Variants in BICD2 observed in about 807,000 individuals in gnomAD.
BICD2 encodes protein bicaudal D homolog 2.
BICD2 carries 25 observed loss-of-function variants against 72.9 expected under a neutral mutation model. The observed-to-expected ratio is 0.34, with a 90% confidence interval of 0.25 to 0.48. BICD2 has a LOEUF of 0.48. Ranked by LOEUF, BICD2 falls within the 20% of genes least tolerant of loss-of-function variation. The pLI, the probability that BICD2 is intolerant of heterozygous loss-of-function variation, is 0.99. For missense variants in BICD2, 894 were observed against 1,175.2 expected, an observed-to-expected ratio of 0.76 and a Z score of 3.50; for synonymous variants, 501 against 516.1, an observed-to-expected ratio of 0.97 and a Z score of 0.40.
chr9:92,751,806 ATT>A (rs200906851), intron 1 of BICD2, among the ~76,000 whole-genome samples: 5 of 141,052 alleles, frequency 3.5e-5, no homozygotes, highest in South Asian at 2.2e-4. Flanking sequence ...CACTAACTGC[ATT>A]TTTTTTTTTT....
At position 92,715,187 on chromosome 9, in the gene BICD2, G is replaced by A; in HGVS notation, c.2535C>T (p.Phe845=). The stretch of plus-strand genomic sequence containing the variant: ...AGTAAATGCTGTGCTTCTCGCTGCA[G>A]AACACCTGGTTGGCCAGCCCGGTGC... The part of the protein sequence containing the change: ...AEGTGLANQV[F]CSEKHSIYCD The change falls in exon 7 of 7, where the codon TTC becomes TTT. Residue 845 remains phenylalanine (F), a synonymous_variant. Transcript: ENST00000356884. The A allele has an allele frequency of 6.2e-7, 1 of 1,607,458 alleles. No individual in the cohort carries two copies. Among genetic ancestry groups the A allele is most frequent in the South Asian group, 1.1e-5 (1 of 90,720 alleles).
At chr9:92,755,001 C>T (rs985581923) in intron 1 of BICD2, among the ~76,000 whole-genome samples, 4 of 152,258 alleles carry the variant, frequency 2.6e-5, no homozygotes, top group Admixed American at 6.5e-5. Context: ...ACTGGTGAGC[C>T]GGGCAGAACA....
chr9:92,735,930 G>A, intron 1 of BICD2, among the ~76,000 whole-genome samples: 1 of 152,162 alleles, frequency 6.6e-6, no homozygotes, highest in Non-Finnish European at 1.5e-5. Flanking sequence ...TAAGGGCTCA[G>A]GTGAACTGCC....
At position 92,719,350 on chromosome 9, in the gene BICD2, G is replaced by A; in HGVS notation, c.1295C>T (p.Pro432Leu). ...ATGGTACTTGCAGGCCAAGATCTCA[G>A]GCCCGTTGATGTCCACCTCGTAGTA... ...GDYYEVDING[P>L]EILACKYHVA... The change falls in exon 5 of 7, where the codon CCT becomes CTT. Residue 432 changes from proline to leucine, a missense_variant. This residue lies in a region of BICD2 where 371 missense variants were observed against 439.1 expected (regional missense o/e 0.84). Coordinates refer to ENST00000356884, the MANE Select transcript of BICD2 (RefSeq NM_001003800.2). 1 of 1,614,216 alleles carries A rather than the reference G, an allele frequency of 6.2e-7. No homozygotes were observed. The highest frequency in any genetic ancestry group is 8.5e-7 in the Non-Finnish European group (1 of 1,180,032).
intron 1 of BICD2, among the ~76,000 whole-genome samples, chr9:92,761,014 A>G (rs554721714): frequency 6.6e-6 from 1 of 152,118 alleles, no homozygotes; most frequent in East Asian, 1.9e-4. Flanking sequence ...CAATCACCCT[A>G]TTGCCCCCAC....
At chr9:92,747,357 G>C (rs1419949200) in intron 1 of BICD2, among the ~76,000 whole-genome samples, 1 of 152,202 alleles carries the variant, frequency 6.6e-6, no homozygotes, top group African/African-American at 2.4e-5. Context: ...CCAGGCCCCT[G>C]GCTACACTGG....
chr9:92,764,613 G>C lies in BICD2; in HGVS notation c.132C>G (p.Ala44=), dbSNP rs1431463618. Residue 44 remains alanine (A), a synonymous_variant, in exon 1 of 7, where the codon GCC becomes GCG. Coordinates refer to ENST00000356884, the MANE Select transcript of BICD2 (RefSeq NM_001003800.2). This position sits in a 1 kb window ranked among gnomAD's most constrained non-coding sequence, Gnocchi z 5.5. The part of the protein sequence containing the change: ...AETTREKIQA[A]EYGLAVLEEK... Reference sequence around the variant, plus strand: ...CCTCGAGCACCGCCAGCCCGTACTCGGCCGCCTGGATCTTCTCACGCGTGG... The same window carrying C: ...CCTCGAGCACCGCCAGCCCGTACTCCGCCGCCTGGATCTTCTCACGCGTGG... 4.4e-6 allele frequency: 7 copies of C among 1,591,028 alleles called. No homozygotes were observed. Among genetic ancestry groups the C allele is most frequent in the African/African-American group, 2.7e-5 (2 of 74,382 alleles).
intron 1 of BICD2, among the ~76,000 whole-genome samples, chr9:92,756,229 G>GA (rs1854252413): frequency 6.6e-6 from 1 of 151,882 alleles, no homozygotes; most frequent in African/African-American, 2.4e-5. Flanking sequence ...GCCAAGCCAT[G>GA]ATGCATCAGC....
At position 92,731,105 on chromosome 9, in the gene BICD2, T is replaced by C. The variant is rs535469376; in HGVS notation, c.241-1869A>G. Among the ~76,000 whole-genome samples, 37 of 152,236 alleles carry C rather than the reference T, an allele frequency of 2.4e-4. No homozygotes were observed. The East Asian group carries it at 4.1e-3, about 17-fold the overall frequency. Reference sequence around the variant, plus strand: ...TGGCAGCCAGGCCCCAAGTCCCTCATTGGGTGAAGGGCCCGCCGGCTGCAG... The same window carrying C: ...TGGCAGCCAGGCCCCAAGTCCCTCACTGGGTGAAGGGCCCGCCGGCTGCAG... On this transcript the variant is annotated intron_variant, in intron 1 of 6. Coordinates refer to ENST00000356884, the MANE Select transcript of BICD2 (RefSeq NM_001003800.2).
In BICD2 at chr9:92,764,258, C is replaced by T. The variant is rs978275093; in HGVS notation, c.240+247G>A. 1.3e-5 allele frequency among the ~76,000 whole-genome samples: 2 copies of T among 152,130 alleles called. No individual in the cohort carries two copies. Among genetic ancestry groups the T allele is most frequent in the Non-Finnish European group, 2.9e-5 (2 of 67,984 alleles). Reference sequence around the variant, plus strand: ...CCGCCCAGGTCCGCACAGAAGCAGGCGGGCAGCTGCAGGAGGCGACAAGGC... The same window carrying T: ...CCGCCCAGGTCCGCACAGAAGCAGGTGGGCAGCTGCAGGAGGCGACAAGGC... On this transcript the variant is annotated intron_variant, in intron 1 of 6. Coordinates refer to ENST00000356884, the MANE Select transcript of BICD2 (RefSeq NM_001003800.2). This position sits in a 1 kb window ranked among gnomAD's most constrained non-coding sequence, Gnocchi z 5.5.
In BICD2 at chr9:92,718,868, G is replaced by A. The variant is rs1375372433; in HGVS notation, c.1777C>T (p.Pro593Ser). 1 of 1,603,138 alleles carries A rather than the reference G, an allele frequency of 6.2e-7. No homozygotes were observed. The highest frequency in any genetic ancestry group is 8.5e-7 in the Non-Finnish European group (1 of 1,175,644). ...PILLPKGLLA[P>S]EAGRADGGTG... ...CCACCATCTGCTCGGCCCGCCTCAG[G>A]AGCCAGCAGCCCCTTGGGTAGGAGG... The change falls in exon 5 of 7, where the codon CCT becomes TCT. Residue 593 changes from proline (P) to serine (S), a missense_variant. By Grantham distance (74) the Pro-to-Ser change is moderately conservative (BLOSUM62 -1). This residue lies in a region of BICD2 where 321 missense variants were observed against 443.9 expected (regional missense o/e 0.72). Coordinates refer to ENST00000356884, the MANE Select transcript of BICD2 (RefSeq NM_001003800.2).
chr9:92,727,503 G>T (rs1853590629), intron 2 of BICD2, among the ~76,000 whole-genome samples: 1 of 152,202 alleles, frequency 6.6e-6, no homozygotes, highest in Non-Finnish European at 1.5e-5. Flanking sequence ...GGCAAAGCCA[G>T]TATCAGCCCA....
intron 1 of BICD2, among the ~76,000 whole-genome samples, chr9:92,757,385 T>C (rs1854283171): frequency 6.6e-6 from 1 of 150,886 alleles, no homozygotes; most frequent in Non-Finnish European, 1.5e-5. Flanking sequence ...CCTGCTTGGC[T>C]TCTGAAGAAA....
At chr9:92,737,407 G>GA (rs1853810707) in intron 1 of BICD2, among the ~76,000 whole-genome samples, 1 of 152,158 alleles carries the variant, frequency 6.6e-6, no homozygotes, top group African/African-American at 2.4e-5. Flanking sequence ...AACTCCTCCA[G>GA]AGTCAGCATA....
chr9:92,745,729 T>C (rs1853997598), intron 1 of BICD2, among the ~76,000 whole-genome samples: 1 of 152,178 alleles, frequency 6.6e-6, no homozygotes, highest in African/African-American at 2.4e-5. Flanking sequence ...TTAGCTCCTC[T>C]CACAGGTGAG....
chr9:92,719,212 C>A lies in BICD2; in HGVS notation c.1433G>T (p.Gly478Val). The change falls in exon 5 of 7, where the codon GGC (glycine) becomes GTC (valine). Residue 478 changes from glycine to valine, a missense_variant. Physicochemically the swap from Gly to Val is moderately radical, Grantham distance 109. Around this residue, in one of 5 missense-constraint regions of BICD2, gnomAD observed 371 missense variants for 439.1 expected, o/e 0.84. Transcript: ENST00000356884. ...AEEKGRYEAE[G>V]QALTEKVSLL... ...GGAGACCTTCTCCGTGAGTGCCTGG[C>A]CCTCAGCCTCATAGCGGCCCTTCTC... is the stretch of plus-strand genomic sequence containing the variant. The A allele has an allele frequency of 6.2e-7, 1 of 1,611,198 alleles. No homozygotes were observed.
intron 1 of BICD2, among the ~76,000 whole-genome samples, chr9:92,733,490 A>G (rs544014021): frequency 1.6e-4 from 24 of 151,928 alleles, no homozygotes; most frequent in South Asian, 4.2e-4. Context: ...GTGAACCGAG[A>G]TCACGCCACT....
intron 1 of BICD2, among the ~76,000 whole-genome samples, chr9:92,750,608 G>C (rs541621941): frequency 6.6e-6 from 1 of 152,174 alleles, no homozygotes; most frequent in African/African-American, 2.4e-5. Context: ...ATGGTAAAAA[G>C]ATCAGTGGTT....
chr9:92,764,677 C>G lies in BICD2; in HGVS notation c.68G>C (p.Arg23Pro). ...LVMEAQPEWL[R>P]AEVKRLSHEL... ...GTGGGACAGCCGCTTCACCTCGGCG[C>G]GCAGCCACTCCGGCTGCGCCTCCAT... Residue 23 changes from arginine (R) to proline (P), a missense_variant, in exon 1 of 7, where the codon CGC becomes CCC. This residue lies in a region of BICD2 where 192 missense variants were observed against 243.6 expected (regional missense o/e 0.79). Transcript: ENST00000356884. The surrounding 1 kb of genome is among the most constrained non-coding windows in gnomAD (Gnocchi z 5.5). The G allele has an allele frequency of 6.3e-7, 1 of 1,589,394 alleles. No individual in the cohort carries two copies. The highest frequency in any genetic ancestry group is 8.5e-7 in the Non-Finnish European group (1 of 1,172,034).
Sources: gnomAD v4.1 joint callset for allele counts (sites outside exome capture counted in the v4.1 genomes callset) on GRCh38, gnomAD v4.1.1 for gene constraint, gnomAD v4.1.1 regional missense constraint, Gnocchi (gnomAD v3.1) non-coding constraint, MANE v1.5 for transcripts, NCBI Gene and HGNC (gene_info 2026-07-23, HGNC 2026-07-21) for gene names.